MBP: variants seen among roughly 807,000 people sequenced by gnomAD.
MBP encodes the protein Golli-MBP.
MBP carries 16 observed loss-of-function variants against 35.8 expected under a neutral mutation model. That is an observed-to-expected ratio of 0.45 (90% CI 0.30 to 0.68). MBP has a LOEUF of 0.68. Ranked by LOEUF, MBP falls within the 30% of genes least tolerant of loss-of-function variation. MBP has a pLI of 0.08. For missense variants in MBP, 380 were observed against 404.7 expected (o/e 0.94, Z 0.52); for synonymous variants, 143 against 159.6 (o/e 0.90, Z 0.78).
intron 3 of MBP, among the ~76,000 whole-genome samples, chr18:77,050,482 T>C (rs1285102382): frequency 1.3e-5 from 2 of 152,216 alleles, no homozygotes; most frequent in African/African-American, 4.8e-5. Flanking sequence ...ACAAGGGCAG[T>C]TCCTTCTTCA....
At chr18:77,014,364 G>T in intron 4 of MBP, 1 of 985,422 alleles carries the variant, frequency 1.0e-6, no homozygotes, top group South Asian at 4.7e-5. Context: ...TCATGGGGGG[G>T]CTCCACTCAG....
intron 2 of MBP, among the ~76,000 whole-genome samples, chr18:77,070,073 C>T (rs1415395728): frequency 1.3e-5 from 2 of 152,144 alleles, no homozygotes; most frequent in Non-Finnish European, 2.9e-5. Flanking sequence ...CTATGATGAA[C>T]ACATTTCCTG....
chr18:77,028,815 G>T (rs537801765), intron 3 of MBP, among the ~76,000 whole-genome samples: 4 of 81,468 alleles, frequency 4.9e-5, no homozygotes, highest in African/African-American at 1.3e-4. Context: ...CTTCTCAGAC[G>T]GGGCGGCCGG....
At chr18:77,045,695 G>A (rs1480570396) in intron 3 of MBP, among the ~76,000 whole-genome samples, 3 of 152,214 alleles carry the variant, frequency 2.0e-5, no homozygotes, top group Non-Finnish European at 2.9e-5. Flanking sequence ...ATCTTCTGTA[G>A]CAAAGCCATT....
chr18:77,086,353 GA>G (rs1975236692), intron 2 of MBP, among the ~76,000 whole-genome samples: 1 of 152,178 alleles, frequency 6.6e-6, no homozygotes, highest in Non-Finnish European at 1.5e-5. Flanking sequence ...CAACCATCAC[GA>G]TCAATTAGGG....
chr18:76,988,791 C>T lies in MBP; in HGVS notation c.717+86G>A, dbSNP rs771146151. 57 of 1,476,378 alleles carry T rather than the reference C, an allele frequency of 3.9e-5. No individual in the cohort carries two copies. Among genetic ancestry groups the T allele is most frequent in the Non-Finnish European group, 5.2e-5 (56 of 1,078,222 alleles). The allele number at this position is 1,476,378 out of a possible 1,614,324, so 91.5% of individuals were successfully genotyped here. ...TGGGATGGATTCTGGTAGCTCGGAG[C>T]CTAACTCTCTCTTTGGTACATTATG... is the stretch of plus-strand genomic sequence containing the variant. On this transcript the variant is annotated intron_variant, in intron 6 of 8. Transcript: ENST00000355994. The surrounding 1 kb of genome is among the most constrained non-coding windows in gnomAD (Gnocchi z 5.2).
chr18:77,018,865 TATCCATCCATCCATCCATCCATCC>T (rs200121847), intron 3 of MBP, among the ~76,000 whole-genome samples: 64 of 125,214 alleles, frequency 5.1e-4, no homozygotes, highest in Non-Finnish European at 8.9e-4. Context: ...CTCATCCATC[TATCCATCCATCCATCCATCCATCC>T]ATCCATCCAT....
rs577410473 is a variant in MBP at position 77,067,179 on chromosome 18, C to T, written c.52-794G>A. 3.3e-5 allele frequency among the ~76,000 whole-genome samples: 5 copies of T among 152,344 alleles called. No individual in the cohort carries two copies. In the East Asian group the frequency reaches 5.8e-4, roughly 18 times the overall value. The stretch of plus-strand genomic sequence containing the variant: ...TGCTCTAGAAAGTGCACAGTGGCTG[C>T]GTGCTGAAACCCCGGGGTCTCCTGG... On this transcript the variant is annotated intron_variant, in intron 2 of 8. Coordinates refer to ENST00000355994, the MANE Select transcript of MBP (RefSeq NM_001025101.2).
intron 1 of MBP, among the ~76,000 whole-genome samples, chr18:77,107,429 C>A (rs1032705617): frequency 2.0e-5 from 3 of 152,194 alleles, no homozygotes; most frequent in Non-Finnish European, 4.4e-5. Flanking sequence ...CTCCTCCTCC[C>A]ACCTCCTTAT....
chr18:77,088,467 T>C (rs2144998777), intron 2 of MBP, among the ~76,000 whole-genome samples: 1 of 152,330 alleles, frequency 6.6e-6, no homozygotes, highest in Admixed American at 6.5e-5. Flanking sequence ...CACCAGATGC[T>C]CAGTTTTTAA....
intron 1 of MBP, chr18:77,114,678 G>A (rs1415923192): frequency 1.3e-5 from 2 of 152,336 alleles, no homozygotes; most frequent in African/African-American, 4.8e-5. Context: ...ATGGCACGGG[G>A]AGGGCAGAGT....
At chr18:76,991,525 C>T (rs1257463694) in intron 4 of MBP, among the ~76,000 whole-genome samples, 1 of 152,158 alleles carries the variant, frequency 6.6e-6, no homozygotes, top group Non-Finnish European at 1.5e-5. Context: ...GCGGTGAATG[C>T]GCACCAGGCA....
At chr18:77,059,018 T>A (rs1270469299) in intron 3 of MBP, among the ~76,000 whole-genome samples, 1 of 45,182 alleles carries the variant, frequency 2.2e-5, no homozygotes, top group East Asian at 7.3e-4. Context: ...GCTGGGGAAA[T>A]AGGCATATTC....
chr18:77,118,597 C>T (rs1976774293), intron 1 of MBP, among the ~76,000 whole-genome samples: 1 of 150,020 alleles, frequency 6.7e-6, no homozygotes, highest in African/African-American at 2.4e-5. Context: ...CACCCACACA[C>T]ACACTCCACA....
At chr18:76,999,495 G>T (rs570184669) in intron 4 of MBP, among the ~76,000 whole-genome samples, 14 of 148,926 alleles carry the variant, frequency 9.4e-5, no homozygotes, top group Admixed American at 4.0e-4. Context: ...TCACTCTGTT[G>T]TCCAGGCTGA....
At chr18:76,985,806 T>A (rs758004493) in intron 7 of MBP, 2 of 989,044 alleles carry the variant, frequency 2.0e-6, no homozygotes, top group East Asian at 2.2e-4. Flanking sequence ...TTCATGGAGA[T>A]GCCACTCCTC....
rs1973112014 is a variant in MBP at position 77,043,881 on chromosome 18, TG to T, written c.139+22416del. Among the ~76,000 whole-genome samples, 3 of 152,248 alleles carry T rather than the reference TG, an allele frequency of 2.0e-5. No individual in the cohort carries two copies. In the South Asian group the frequency reaches 6.2e-4, roughly 32 times the overall value. On this transcript the variant is annotated intron_variant, in intron 3 of 8. Coordinates refer to ENST00000355994, the MANE Select transcript of MBP (RefSeq NM_001025101.2). Reference sequence around the variant, plus strand: ...CATGCCCACACGTGTAGGGCAGGACTGTCACGCGTCCACTCTGCTCAGCTTT... The same window carrying T: ...CATGCCCACACGTGTAGGGCAGGACTTCACGCGTCCACTCTGCTCAGCTTT...
At chr18:77,063,439 A>G (rs1481560416) in intron 3 of MBP, among the ~76,000 whole-genome samples, 3 of 152,148 alleles carry the variant, frequency 2.0e-5, no homozygotes, top group African/African-American at 7.2e-5. Flanking sequence ...AGCTCCTCCC[A>G]CTTCCCCCTT....
At chr18:77,041,615 C>A (rs1260403426) in intron 3 of MBP, among the ~76,000 whole-genome samples, 3 of 152,052 alleles carry the variant, frequency 2.0e-5, no homozygotes, top group African/African-American at 7.2e-5. Flanking sequence ...ATGATGAGTT[C>A]ATGTCCTTTG....
Sources: gnomAD v4.1 joint callset for allele counts (sites outside exome capture counted in the v4.1 genomes callset) on GRCh38, gnomAD v4.1.1 for gene constraint, Gnocchi (gnomAD v3.1) non-coding constraint, MANE v1.5 for transcripts, NCBI Gene and HGNC (gene_info 2026-07-23, HGNC 2026-07-21) for gene names.